CEP170: variants seen among roughly 807,000 people sequenced by gnomAD.
CEP170 encodes centrosomal protein 170.
Under a neutral mutation model 151.9 loss-of-function variants are expected in CEP170, and 21 were observed. The ratio of observed to expected loss-of-function variants is 0.14; its 90% confidence interval spans 0.10 to 0.20. The LOEUF is 0.20. Among genes scored for constraint, CEP170 ranks in the 10% least tolerant of loss-of-function variants. The probability of loss-of-function intolerance (pLI) is 1.00; values close to 1 mark genes in which losing one functional copy is unlikely to be tolerated. For synonymous variants in CEP170, 356 were observed against 648.8 expected (o/e 0.55, Z 6.86); for missense variants, 964 against 1,892.9 (o/e 0.51, Z 9.11).
chr1:243,181,181 G>A (rs2059595387), intron 10 of CEP170, among the ~76,000 whole-genome samples: 1 of 152,136 alleles, frequency 6.6e-6, no homozygotes, highest in African/African-American at 2.4e-5. Flanking sequence ...TTTGATGGAA[G>A]AGTGGAGAGA....
Position 243,124,517 on chromosome 1 carries a change from A to C in CEP170, c.*1932T>G, listed in dbSNP as rs573660171. 4 of 152,788 alleles carry C rather than the reference A, an allele frequency of 2.6e-5. No homozygotes were observed. The highest frequency in any genetic ancestry group is 2.6e-4 in the Admixed American group (4 of 15,302). The allele number at this position is 152,788 out of a possible 1,614,324, so 9.5% of individuals were successfully genotyped here. On this transcript the variant is annotated 3_prime_UTR_variant, in exon 20 of 20. Transcript: ENST00000366542. ...ATAAATGTAACAAAAATAAATAAGG[A>C]GGATAATGTATTCATACAAAATAAA...
At chr1:243,231,394 G>GT (rs2063750068) in intron 1 of CEP170, among the ~76,000 whole-genome samples, 1 of 151,778 alleles carries the variant, frequency 6.6e-6, no homozygotes, top group African/African-American at 2.4e-5. Flanking sequence ...ACTGATAAAG[G>GT]TATCTATAAA....
intron 16 of CEP170, among the ~76,000 whole-genome samples, chr1:243,139,354 G>A (rs1393891515): frequency 1.3e-5 from 2 of 151,792 alleles, no homozygotes; most frequent in Non-Finnish European, 2.9e-5. Flanking sequence ...TGCCCGCCTC[G>A]GTATTTTCTC....
At chr1:243,245,451 C>T (rs1052234386) in intron 1 of CEP170, among the ~76,000 whole-genome samples, 2 of 152,060 alleles carry the variant, frequency 1.3e-5, no homozygotes, top group African/African-American at 2.4e-5. Context: ...TGCGGTGGCT[C>T]ACGCCTGTAA....
chr1:243,137,698 C>G (rs1343236202), intron 16 of CEP170, among the ~76,000 whole-genome samples: 2 of 151,732 alleles, frequency 1.3e-5, no homozygotes, highest in Non-Finnish European at 2.9e-5. Context: ...TTGCTTGAAC[C>G]TGGGAGGCAG....
At chr1:243,183,103 G>A (rs949712732) in intron 10 of CEP170, among the ~76,000 whole-genome samples, 2 of 151,512 alleles carry the variant, frequency 1.3e-5, no homozygotes, top group African/African-American at 2.4e-5. Flanking sequence ...CTTGGTTTTT[G>A]TCTGTGTATA....
At chr1:243,251,390 G>A (rs112750903) in intron 1 of CEP170, among the ~76,000 whole-genome samples, 79 of 152,240 alleles carry the variant, frequency 5.2e-4, no homozygotes, top group African/African-American at 1.8e-3. Flanking sequence ...TTTGGCTTTA[G>A]CCAAAAAGAC....
intron 17 of CEP170, among the ~76,000 whole-genome samples, chr1:243,134,608 C>T (rs1294243489): frequency 3.9e-5 from 6 of 151,900 alleles, no homozygotes; most frequent in South Asian, 2.1e-4. Context: ...AGTGATCCTC[C>T]GATTTCAGCC....
chr1:243,178,308 CAAAAAAAAA>C (rs869094317), intron 10 of CEP170, among the ~76,000 whole-genome samples: 8 of 30,422 alleles, frequency 2.6e-4, no homozygotes, highest in African/African-American at 9.8e-4. Context: ...GACTCTGCCT[CAAAAAAAAA>C]AAAAAAAAAA....
chr1:243,235,358 A>T (rs1268483060), intron 1 of CEP170, among the ~76,000 whole-genome samples: 1 of 152,220 alleles, frequency 6.6e-6, no homozygotes, highest in Non-Finnish European at 1.5e-5. Context: ...GATCTGGCAC[A>T]CATAATGAAA....
At chr1:243,202,201 A>G (rs1384946734) in intron 4 of CEP170, among the ~76,000 whole-genome samples, 1 of 152,190 alleles carries the variant, frequency 6.6e-6, no homozygotes, top group Non-Finnish European at 1.5e-5. Flanking sequence ...CTCAGGAATC[A>G]AAAACCCAAA....
At chr1:243,226,140 T>TATATGTACATGTAC (rs2063252637) in intron 1 of CEP170, among the ~76,000 whole-genome samples, 1 of 49,544 alleles carries the variant, frequency 2.0e-5, no homozygotes. Flanking sequence ...TATATGTGTA[T>TATATGTACATGTAC]ATATATGTAC....
chr1:243,128,143 T>C, intron 19 of CEP170, 106 bp downstream of exon 19: 2 of 986,578 alleles, frequency 2.0e-6, no homozygotes, highest in South Asian at 4.3e-5. Flanking sequence ...ATGTATGTCA[T>C]TACATTTAAT....
intron 3 of CEP170, among the ~76,000 whole-genome samples, chr1:243,219,451 G>A (rs76719120): frequency 3.9e-5 from 6 of 152,220 alleles, no homozygotes; most frequent in African/African-American, 9.6e-5. Context: ...TGCAGATGTC[G>A]CTCTCCATGA....
intron 1 of CEP170, among the ~76,000 whole-genome samples, chr1:243,239,449 C>T (rs1041032054): frequency 8.5e-5 from 13 of 152,162 alleles, no homozygotes; most frequent in African/African-American, 2.9e-4. Context: ...TTCCTCTATC[C>T]AGCTATCAAA....
At chr1:243,253,989 T>C (rs546549029) in intron 1 of CEP170, among the ~76,000 whole-genome samples, 1 of 152,148 alleles carries the variant, frequency 6.6e-6, no homozygotes, top group Non-Finnish European at 1.5e-5. Flanking sequence ...CGGAAAGATG[T>C]ATCCATTCCC....
chr1:243,163,251 TAACTC>T (rs1272204357), intron 13 of CEP170: 1 of 152,250 alleles, frequency 6.6e-6, no homozygotes, highest in African/African-American at 2.4e-5. Flanking sequence ...CCTCCACTCT[TAACTC>T]AAGACTTAGG....
intron 17 of CEP170, among the ~76,000 whole-genome samples, chr1:243,133,892 C>T (rs2054719422): frequency 6.6e-6 from 1 of 152,138 alleles, no homozygotes; most frequent in African/African-American, 2.4e-5. Flanking sequence ...TAAGCCCTAT[C>T]AGGATTTATA....
chr1:243,181,497 A>G (rs1262408681), intron 10 of CEP170, among the ~76,000 whole-genome samples: 1 of 152,188 alleles, frequency 6.6e-6, no homozygotes, highest in Non-Finnish European at 1.5e-5. Flanking sequence ...ACAGAAAAAG[A>G]GGGTAGGTAG....
Sources: gnomAD v4.1 joint callset for allele counts (sites outside exome capture counted in the v4.1 genomes callset) on GRCh38, gnomAD v4.1.1 for gene constraint, MANE v1.5 for transcripts, NCBI Gene and HGNC (gene_info 2026-07-23, HGNC 2026-07-21) for gene names.